The following ENOX1 variants were observed in gnomAD, a reference collection of about 807,000 sequenced individuals.
ENOX1 encodes candidate growth-related and time keeping constitutive hydroquinone (NADH) oxidase.
In ENOX1, 42 loss-of-function variants were observed where a neutral mutation model predicts 82.5. That is an observed-to-expected ratio of 0.51 (90% CI 0.40 to 0.66). The LOEUF (loss-of-function observed/expected upper bound fraction) is 0.66, where lower values mean the gene tolerates loss of function less well. ENOX1 is among the 30% of genes least tolerant of loss of function. The pLI is 0.00. For synonymous variants in ENOX1, 271 were observed against 282.2 expected, an observed-to-expected ratio of 0.96 and a Z score of 0.40; for missense variants, 608 against 811.6, an observed-to-expected ratio of 0.75 and a Z score of 3.05.
intron 2 of ENOX1, among the ~76,000 whole-genome samples, chr13:43,617,840 A>G (rs2082547965): frequency 2.0e-5 from 3 of 152,348 alleles, no homozygotes; most frequent in East Asian, 1.9e-4. Flanking sequence ...CATTCCCACA[A>G]GAAGTGTAGA....
chr13:43,684,719 T>C (rs567932265), intron 1 of ENOX1, among the ~76,000 whole-genome samples: 3 of 152,204 alleles, frequency 2.0e-5, no homozygotes, highest in Admixed American at 2.0e-4. Context: ...GAGACTGATA[T>C]GACCTCTTTG....
rs564315355 is a variant in ENOX1 at position 43,241,469 on chromosome 13, G to A, written c.1612-4731C>T. On this transcript the variant is annotated intron_variant, in intron 14 of 16. Coordinates refer to ENST00000690772, the MANE Select transcript of ENOX1 (RefSeq NM_001347969.2). ...GTTAGTGGTATACAAAGTACACAGC[G>A]GGACGGGAACATTAGGATGGAGATC... is the stretch of plus-strand genomic sequence containing the variant. Among the ~76,000 whole-genome samples the A allele has an allele frequency of 2.6e-5, 4 of 152,270 alleles. No individual in the cohort carries two copies. The East Asian group carries it at 5.8e-4, about 22-fold the overall frequency.
At chr13:43,739,125 A>G (rs2089773057) in intron 1 of ENOX1, among the ~76,000 whole-genome samples, 1 of 152,176 alleles carries the variant, frequency 6.6e-6, no homozygotes, top group African/African-American at 2.4e-5. Flanking sequence ...ACAATCTTAC[A>G]CTAAGTCATT....
intron 5 of ENOX1, among the ~76,000 whole-genome samples, chr13:43,371,905 T>C (rs1036910842): frequency 3.3e-5 from 5 of 152,208 alleles, no homozygotes; most frequent in African/African-American, 1.2e-4. Flanking sequence ...CTGTAAATCA[T>C]AGACTGATCT....
intron 1 of ENOX1, among the ~76,000 whole-genome samples, chr13:43,709,388 TTAAA>T (rs2087535800): frequency 6.6e-6 from 1 of 152,038 alleles, no homozygotes; most frequent in East Asian, 1.9e-4. Context: ...AAAATAAATA[TTAAA>T]TAACCATTAC....
At chr13:43,676,095 C>T (rs2085494869) in intron 1 of ENOX1, among the ~76,000 whole-genome samples, 1 of 152,272 alleles carries the variant, frequency 6.6e-6, no homozygotes, top group African/African-American at 2.4e-5. Flanking sequence ...GGTGGAGATT[C>T]CTCATGAATG....
chr13:43,362,302 C>G (rs1002667821), intron 5 of ENOX1, among the ~76,000 whole-genome samples: 2 of 151,678 alleles, frequency 1.3e-5, no homozygotes, highest in African/African-American at 4.8e-5. Context: ...TAAGTAAGAC[C>G]TTTCTAACAG....
At chr13:43,327,801 T>A (rs1472633088) in intron 9 of ENOX1, among the ~76,000 whole-genome samples, 3 of 152,198 alleles carry the variant, frequency 2.0e-5, no homozygotes, top group African/African-American at 7.2e-5. Context: ...AATAAATGTA[T>A]GATGGAGCAG....
At chr13:43,459,330 T>G (rs1314660186) in intron 3 of ENOX1, 1 of 152,202 alleles carries the variant, frequency 6.6e-6, no homozygotes, top group East Asian at 1.9e-4. Context: ...GTGGTCAGAC[T>G]GGCTACCCAG....
chr13:43,781,305 T>C (rs188374381), intron 1 of ENOX1, among the ~76,000 whole-genome samples: 2 of 152,288 alleles, frequency 1.3e-5, no homozygotes, highest in Admixed American at 1.3e-4. Context: ...ATATACTTAG[T>C]GTCTGCCATA....
chr13:43,297,014 T>C (rs7993421), intron 12 of ENOX1, among the ~76,000 whole-genome samples: 147,137 of 152,254 alleles, frequency 0.97, 71,330 homozygotes, highest in East Asian at 1. Flanking sequence ...GTACAGAGAC[T>C]TGAGCAATAA....
At chr13:43,570,594 T>A (rs912777215) in intron 2 of ENOX1, among the ~76,000 whole-genome samples, 2 of 152,142 alleles carry the variant, frequency 1.3e-5, no homozygotes, top group Non-Finnish European at 2.9e-5. Flanking sequence ...AATTTTCTAA[T>A]ATGAAGAAAG....
At chr13:43,671,883 G>A (rs979979312) in intron 1 of ENOX1, among the ~76,000 whole-genome samples, 4 of 152,172 alleles carry the variant, frequency 2.6e-5, no homozygotes, top group African/African-American at 9.6e-5. Context: ...TAGTGGAAAA[G>A]CCAGTAGTGG....
chr13:43,732,100 A>G (rs535522384), intron 1 of ENOX1, among the ~76,000 whole-genome samples: 19 of 152,222 alleles, frequency 1.2e-4, no homozygotes, highest in Non-Finnish European at 2.2e-4. Flanking sequence ...AGCTTGTAAC[A>G]CTACCAAGCC....
intron 9 of ENOX1, among the ~76,000 whole-genome samples, chr13:43,337,480 T>C (rs1223985560): frequency 2.0e-5 from 3 of 152,162 alleles, no homozygotes; most frequent in Non-Finnish European, 4.4e-5. Flanking sequence ...TTATGGGTTA[T>C]AATGGATAAA....
At chr13:43,670,756 T>C (rs1387124906) in intron 1 of ENOX1, among the ~76,000 whole-genome samples, 2 of 151,982 alleles carry the variant, frequency 1.3e-5, no homozygotes, top group African/African-American at 2.4e-5. Context: ...GGCAGGAGAA[T>C]TGCTTGAGCC....
chr13:43,372,523 TG>T (rs1228110093), intron 5 of ENOX1, among the ~76,000 whole-genome samples: 1 of 152,114 alleles, frequency 6.6e-6, no homozygotes. Context: ...TGGGAGTGCT[TG>T]AAAAATTCAG....
chr13:43,735,370 TA>T (rs2153824061), intron 1 of ENOX1, among the ~76,000 whole-genome samples: 1 of 152,262 alleles, frequency 6.6e-6, no homozygotes, highest in South Asian at 2.1e-4. Context: ...TAAAATTTAT[TA>T]CCACCCATTT....
intron 2 of ENOX1, among the ~76,000 whole-genome samples, chr13:43,568,400 G>T (rs2080014054): frequency 6.6e-6 from 1 of 152,128 alleles, no homozygotes; most frequent in South Asian, 2.1e-4. Flanking sequence ...CAGCAGCCGT[G>T]TCAGGGTGCC....
Sources: gnomAD v4.1 joint callset for allele counts (sites outside exome capture counted in the v4.1 genomes callset) on GRCh38, gnomAD v4.1.1 for gene constraint, MANE v1.5 for transcripts, NCBI Gene and HGNC (gene_info 2026-07-23, HGNC 2026-07-21) for gene names.